The following STXBP5L variants were observed in gnomAD, a reference collection of about 807,000 sequenced individuals.
The protein encoded by STXBP5L is syntaxin binding protein 5L.
STXBP5L carries 65 observed loss-of-function variants against 144.5 expected under a neutral mutation model. The observed-to-expected ratio is 0.45, with a 90% confidence interval of 0.37 to 0.55. The LOEUF is 0.55. Among genes scored for constraint, STXBP5L ranks in the 20% least tolerant of loss-of-function variants. The pLI, the probability that STXBP5L is intolerant of heterozygous loss-of-function variation, is 0.00. For synonymous variants in STXBP5L, 505 were observed against 469.6 expected (o/e 1.08, Z -0.97); for missense variants, 1,298 against 1,405.5 (o/e 0.92, Z 1.22).
rs1374189539 is a variant in STXBP5L, at chr3:121,107,186, G to A, written c.471-7739G>A. Among the ~76,000 whole-genome samples, 4 of 150,048 alleles carry A rather than the reference G, an allele frequency of 2.7e-5. No homozygotes were observed. In the South Asian group the frequency reaches 6.3e-4, roughly 23 times the overall value. ...AGATTGCAAAAATTTTCTCCCATTAGTTTCTTTTGCTGGGCAGAAGCTCTT... is the reference window on the plus strand; with the variant it reads ...AGATTGCAAAAATTTTCTCCCATTAATTTCTTTTGCTGGGCAGAAGCTCTT... On this transcript the variant is annotated intron_variant, in intron 5 of 26. Transcript: ENST00000471454.
chr3:121,326,266 G>GA (rs1044773599), intron 20 of STXBP5L, among the ~76,000 whole-genome samples: 2 of 151,912 alleles, frequency 1.3e-5, no homozygotes, highest in African/African-American at 2.4e-5. Context: ...CACATCTTGG[G>GA]AAAAAAGGGG....
At chr3:121,237,713 TA>T (rs2049526839) in intron 12 of STXBP5L, among the ~76,000 whole-genome samples, 1 of 152,198 alleles carries the variant, frequency 6.6e-6, no homozygotes, top group Non-Finnish European at 1.5e-5. Flanking sequence ...TGTAAGCTGT[TA>T]AAAGTAACAA....
intron 5 of STXBP5L, among the ~76,000 whole-genome samples, chr3:121,077,757 G>C (rs914724455): frequency 3.9e-5 from 6 of 152,136 alleles, no homozygotes; most frequent in Non-Finnish European, 8.8e-5. Context: ...GTCCCCACTA[G>C]ATTAGCTAGA....
chr3:121,169,189 G>A (rs1214075559), intron 9 of STXBP5L, among the ~76,000 whole-genome samples: 1 of 152,160 alleles, frequency 6.6e-6, no homozygotes, highest in East Asian at 1.9e-4. Context: ...CCTGAAGGAA[G>A]CACTAAACAT....
At chr3:120,975,436 A>T (rs1040367960) in intron 3 of STXBP5L, among the ~76,000 whole-genome samples, 3 of 152,086 alleles carry the variant, frequency 2.0e-5, no homozygotes, top group Non-Finnish European at 4.4e-5. Flanking sequence ...GCTTAAGGAG[A>T]TTTTGGGCTG....
chr3:121,243,083 T>C (rs2108342574), intron 14 of STXBP5L, among the ~76,000 whole-genome samples: 1 of 152,300 alleles, frequency 6.6e-6, no homozygotes, highest in East Asian at 1.9e-4. Flanking sequence ...TCACCTTTAC[T>C]CATGGCTTCA....
chr3:120,974,717 G>C (rs1940731917), intron 3 of STXBP5L, among the ~76,000 whole-genome samples: 1 of 152,218 alleles, frequency 6.6e-6, no homozygotes, highest in South Asian at 2.1e-4. Flanking sequence ...ATTAATTTTT[G>C]TATAAGGTGT....
intron 20 of STXBP5L, among the ~76,000 whole-genome samples, chr3:121,378,246 T>C (rs1423025952): frequency 1.3e-5 from 2 of 152,078 alleles, no homozygotes; most frequent in Non-Finnish European, 2.9e-5. Flanking sequence ...AGAAGACAGG[T>C]TTATAGGTAC....
chr3:121,062,952 A>G (rs569402470), intron 5 of STXBP5L, among the ~76,000 whole-genome samples: 1 of 152,158 alleles, frequency 6.6e-6, no homozygotes, highest in African/African-American at 2.4e-5. Flanking sequence ...GGGTTAAAAC[A>G]TGCTCCTTTA....
chr3:121,022,294 C>A (rs148433229), intron 3 of STXBP5L, among the ~76,000 whole-genome samples: 4 of 151,906 alleles, frequency 2.6e-5, no homozygotes, highest in East Asian at 1.9e-4. Flanking sequence ...AAGTTACCAA[C>A]AACAACAAAA....
At chr3:121,153,820 C>T (rs1381869704) in intron 8 of STXBP5L, among the ~76,000 whole-genome samples, 1 of 151,788 alleles carries the variant, frequency 6.6e-6, no homozygotes, top group Non-Finnish European at 1.5e-5. Flanking sequence ...TCTTTATAAT[C>T]AAATTCTTCA....
intron 5 of STXBP5L, among the ~76,000 whole-genome samples, chr3:121,103,764 C>A (rs2043552274): frequency 6.6e-6 from 1 of 152,072 alleles, no homozygotes; most frequent in South Asian, 2.1e-4. Flanking sequence ...CAAATGACTT[C>A]TGTTGGTTAA....
intron 7 of STXBP5L, among the ~76,000 whole-genome samples, chr3:121,143,371 C>T (rs2045586046): frequency 6.7e-6 from 1 of 149,820 alleles, no homozygotes; most frequent in African/African-American, 2.4e-5. Context: ...ACAAATATAT[C>T]ACAAGAAAAT....
chr3:121,348,086 C>T, intron 20 of STXBP5L, among the ~76,000 whole-genome samples: 1 of 152,076 alleles, frequency 6.6e-6, no homozygotes, highest in East Asian at 1.9e-4. Context: ...ATGATATTGG[C>T]TGTGGGTTTG....
At chr3:121,097,282 C>G (rs1195428528) in intron 5 of STXBP5L, among the ~76,000 whole-genome samples, 1 of 152,194 alleles carries the variant, frequency 6.6e-6, no homozygotes, top group Non-Finnish European at 1.5e-5. Context: ...GACCACTTGG[C>G]TCCCTGACTT....
chr3:121,167,131 G>T (rs576047277), intron 9 of STXBP5L, among the ~76,000 whole-genome samples: 159 of 152,030 alleles, frequency 1.0e-3, no homozygotes, highest in African/African-American at 3.7e-3. Context: ...GAAAATAGAG[G>T]GTCCTCCAGA....
At chr3:121,170,054 G>A (rs553222163) in intron 9 of STXBP5L, among the ~76,000 whole-genome samples, 6 of 152,194 alleles carry the variant, frequency 3.9e-5, no homozygotes, top group South Asian at 2.1e-4. Flanking sequence ...AATCAAAACC[G>A]CACAACTACT....
chr3:121,176,114 T>C (rs2046922094), intron 9 of STXBP5L, among the ~76,000 whole-genome samples: 1 of 152,050 alleles, frequency 6.6e-6, no homozygotes, highest in Non-Finnish European at 1.5e-5. Flanking sequence ...CACAGCTATA[T>C]TTGGAAACTT....
intron 5 of STXBP5L, among the ~76,000 whole-genome samples, chr3:121,111,461 G>A (rs991205311): frequency 1.3e-5 from 2 of 152,260 alleles, no homozygotes; most frequent in South Asian, 4.1e-4. Flanking sequence ...CTTTCTATTT[G>A]TTATTCTTTT....
Sources: allele counts gnomAD v4.1 joint callset (sites outside exome capture counted in the v4.1 genomes callset), GRCh38; gene constraint gnomAD v4.1.1; transcripts MANE v1.5; gene names NCBI Gene and HGNC (gene_info 2026-07-23, HGNC 2026-07-21).